The following PRKAR2B variants were observed in gnomAD, a reference collection of about 807,000 sequenced individuals.
PRKAR2B encodes the protein cAMP-dependent protein kinase type II-beta regulatory subunit.
In PRKAR2B, 14 loss-of-function variants were observed where a neutral mutation model predicts 49.9. The observed-to-expected ratio is 0.28, with a 90% confidence interval of 0.19 to 0.44. The LOEUF (loss-of-function observed/expected upper bound fraction) is 0.44, where lower values mean the gene tolerates loss of function less well. PRKAR2B is among the 20% of genes least tolerant of loss of function. The pLI, the probability that PRKAR2B is intolerant of heterozygous loss-of-function variation, is 1.00. For missense variants in PRKAR2B, 393 were observed against 537.9 expected (o/e 0.73, Z 2.67); for synonymous variants, 196 against 197.7 (o/e 0.99, Z 0.07).
intron 1 of PRKAR2B, among the ~76,000 whole-genome samples, chr7:107,046,982 GT>G (rs1388933908): frequency 6.6e-6 from 1 of 152,074 alleles, no homozygotes; most frequent in East Asian, 1.9e-4. Context: ...TTTTCATTTT[GT>G]AGTGAAGAAA....
chr7:107,155,659 A>G (rs1282258205), intron 8 of PRKAR2B, among the ~76,000 whole-genome samples: 1 of 151,968 alleles, frequency 6.6e-6, no homozygotes, highest in Non-Finnish European at 1.5e-5. Context: ...GGCTGCATAA[A>G]TATCTTCTTT....
At chr7:107,061,310 T>C (rs1366420178) in intron 1 of PRKAR2B, among the ~76,000 whole-genome samples, 1 of 152,212 alleles carries the variant, frequency 6.6e-6, no homozygotes, top group African/African-American at 2.4e-5. Flanking sequence ...CTTGAATTTA[T>C]AAACAAAGTT....
intron 2 of PRKAR2B, among the ~76,000 whole-genome samples, chr7:107,093,088 A>G (rs1794762034): frequency 1.3e-5 from 2 of 152,208 alleles, no homozygotes; most frequent in Admixed American, 6.5e-5. Flanking sequence ...TTTCTATTAT[A>G]TGTAAATATC....
chr7:107,135,189 A>G (rs1267944211), intron 4 of PRKAR2B, among the ~76,000 whole-genome samples: 1 of 152,180 alleles, frequency 6.6e-6, no homozygotes, highest in Non-Finnish European at 1.5e-5. Flanking sequence ...ACTGGCAATC[A>G]AAAAATTTTC....
chr7:107,074,970 T>A (rs1794368494), intron 2 of PRKAR2B, among the ~76,000 whole-genome samples: 1 of 152,156 alleles, frequency 6.6e-6, no homozygotes, highest in African/African-American at 2.4e-5. Flanking sequence ...GTTTTCCCAT[T>A]TTCTCTGTGA....
At chr7:107,064,842 A>G (rs1003044036) in intron 1 of PRKAR2B, among the ~76,000 whole-genome samples, 11 of 152,212 alleles carry the variant, frequency 7.2e-5, no homozygotes, top group Non-Finnish European at 1.2e-4. Flanking sequence ...TTTCAATACC[A>G]GAAATTATGT....
chr7:107,047,263 T>G (rs1399723357), intron 1 of PRKAR2B, among the ~76,000 whole-genome samples: 3 of 152,202 alleles, frequency 2.0e-5, no homozygotes, highest in Non-Finnish European at 4.4e-5. Context: ...ATGCAGTGCT[T>G]TTTGATATTT....
intron 1 of PRKAR2B, among the ~76,000 whole-genome samples, chr7:107,045,439 A>G (rs1294403018): frequency 1.3e-5 from 2 of 151,834 alleles, no homozygotes; most frequent in Non-Finnish European, 2.9e-5. Context: ...CTTCCTCTAG[A>G]GGTGGGAGAG....
intron 1 of PRKAR2B, among the ~76,000 whole-genome samples, chr7:107,056,430 G>T (rs977868006): frequency 6.6e-6 from 1 of 152,164 alleles, no homozygotes; most frequent in Admixed American, 6.5e-5. Flanking sequence ...TCACGATATT[G>T]ATTCTTCCTA....
In PRKAR2B at chr7:107,113,759, C is replaced by T. The variant is rs902554072; in HGVS notation, c.344-8193C>T. Among the ~76,000 whole-genome samples the T allele has an allele frequency of 7.1e-4, 108 of 151,880 alleles. 2 individuals carry two copies. Among genetic ancestry groups the T allele is most frequent in the African/African-American group, 2.4e-3 (99 of 41,382 alleles). ...TTTAAATAGAGAATTTGTAAAATACCGTGGATTACATGCACCTGTCTTTTC... is the reference window on the plus strand; with the variant it reads ...TTTAAATAGAGAATTTGTAAAATACTGTGGATTACATGCACCTGTCTTTTC... On this transcript the variant is annotated intron_variant, in intron 2 of 10. Coordinates refer to ENST00000265717, the MANE Select transcript of PRKAR2B (RefSeq NM_002736.3).
At chr7:107,066,301 G>GGGGTGTGTGTGTGTGTGT in intron 1 of PRKAR2B, among the ~76,000 whole-genome samples, 1 of 145,604 alleles carries the variant, frequency 6.9e-6, no homozygotes, top group African/African-American at 2.6e-5. Context: ...CTCTATGTGG[G>GGGGTGTGTGTGTGTGTGT]GTGTGTGTGT....
intron 1 of PRKAR2B, among the ~76,000 whole-genome samples, chr7:107,052,184 C>T (rs2041526): frequency 0.072 from 10,886 of 152,166 alleles, 537 homozygotes; most frequent in South Asian, 0.18. Flanking sequence ...TCTGGGAGGC[C>T]GATGCGGGCG....
chr7:107,056,295 T>G (rs372549561), intron 1 of PRKAR2B, among the ~76,000 whole-genome samples: 4 of 152,116 alleles, frequency 2.6e-5, no homozygotes, highest in African/African-American at 4.8e-5. Context: ...ACTTGGCAAT[T>G]TGGGCTCTTT....
At position 107,050,333 on chromosome 7, in the gene PRKAR2B, C is replaced by CTTT. The variant is rs57752789; in HGVS notation, c.307+5146_307+5148dup. 7.8e-3 allele frequency among the ~76,000 whole-genome samples: 536 copies of CTTT among 68,582 alleles called. 104 individuals carry two copies. Among genetic ancestry groups the CTTT allele is most frequent in the African/African-American group, 0.031 (431 of 13,948 alleles). The allele number at this position is 68,582 out of a possible 152,430, so 45.0% of individuals were successfully genotyped here. On this transcript the variant is annotated intron_variant, in intron 1 of 10. Transcript: ENST00000265717. ...TTATTTTAGATAAGACAGTTACCAG[C>CTTT]TTTTTTTTTTTTTTTTTTTTTTTTT...
chr7:107,070,844 C>G lies in PRKAR2B; in HGVS notation c.343+528C>G, dbSNP rs1191406779. On this transcript the variant is annotated intron_variant, in intron 2 of 10. Coordinates refer to ENST00000265717, the MANE Select transcript of PRKAR2B (RefSeq NM_002736.3). ...ATTATGGGACCATTTAGAATAGGAGCAAATTGCTTTACATTTGTTTGTGCC... is the reference window on the plus strand; with the variant it reads ...ATTATGGGACCATTTAGAATAGGAGGAAATTGCTTTACATTTGTTTGTGCC... Among the ~76,000 whole-genome samples the G allele has an allele frequency of 3.3e-5, 5 of 152,112 alleles. No individual in the cohort carries two copies. The East Asian group carries it at 9.6e-4, about 29-fold the overall frequency.
At chr7:107,144,221 G>C (rs1041171940) in intron 5 of PRKAR2B, among the ~76,000 whole-genome samples, 1 of 151,976 alleles carries the variant, frequency 6.6e-6, no homozygotes, top group South Asian at 2.1e-4. Context: ...GAGTAGCTGG[G>C]ATTACAGGTG....
At chr7:107,059,586 T>G (rs1793985326) in intron 1 of PRKAR2B, among the ~76,000 whole-genome samples, 1 of 152,200 alleles carries the variant, frequency 6.6e-6, no homozygotes, top group African/African-American at 2.4e-5. Flanking sequence ...TCTAGTTCAT[T>G]TATTTTAACA....
chr7:107,159,469 G>A lies in PRKAR2B; in HGVS notation c.1144G>A (p.Glu382Lys). The change falls in exon 11 of 11, where the codon GAA becomes AAA. Residue 382 changes from glutamate (E) to lysine (K), a missense_variant. Glu to Lys is a moderately conservative substitution (Grantham distance 56, BLOSUM62 1). Transcript: ENST00000265717. ...CTCAGCAATGGATGTGCAAGCATTT[G>A]AAAGGCTTCTGGGACCTTGCATGGA... ...KCLAMDVQAFERLLGPCMEIM... is the reference protein window; with the variant it reads ...KCLAMDVQAFKRLLGPCMEIM... 6.2e-7 allele frequency: 1 copy of A among 1,614,030 alleles called. No individual in the cohort carries two copies. Among genetic ancestry groups the A allele is most frequent in the Non-Finnish European group, 8.5e-7 (1 of 1,179,954 alleles).
At chr7:107,092,245 TTGTGTGTGTG>T (rs34502492) in intron 2 of PRKAR2B, among the ~76,000 whole-genome samples, 1 of 148,286 alleles carries the variant, frequency 6.7e-6, no homozygotes, top group Non-Finnish European at 1.5e-5. Flanking sequence ...AACCATTAAG[TTGTGTGTGTG>T]TGTGTGTGTG....
Sources: allele counts gnomAD v4.1 joint callset (sites outside exome capture counted in the v4.1 genomes callset), GRCh38; gene constraint gnomAD v4.1.1; transcripts MANE v1.5; gene names NCBI Gene and HGNC (gene_info 2026-07-23, HGNC 2026-07-21).